MAGI3: variants seen among roughly 807,000 people sequenced by gnomAD.
MAGI3 encodes the protein membrane-associated guanylate kinase, WW and PDZ domain-containing protein 3.
In MAGI3, 43 loss-of-function variants were observed where a neutral mutation model predicts 121.8. The observed-to-expected ratio is 0.35, with a 90% CI of 0.28 to 0.46. MAGI3 has a LOEUF of 0.46. MAGI3 is among the 20% of genes least tolerant of loss of function. MAGI3 has a pLI of 1.00. For missense variants in MAGI3, 1,547 were observed against 1,797.3 expected (o/e 0.86, Z 2.52); for synonymous variants, 553 against 639.3 (o/e 0.86, Z 2.04).
At position 113,685,324 on chromosome 1, in the gene MAGI3, T is replaced by A. The variant is rs1349955805; in HGVS notation, c.*1310T>A. ...TTCCCTGAAGCAGCATTCAGTAGCA[T>A]CTATATAAATAAAGGCACCTTCTGA... On this transcript the variant is annotated 3_prime_UTR_variant, in exon 21 of 21. Transcript: ENST00000307546. 6.6e-6 allele frequency: 1 copy of A among 152,368 alleles called. No individual in the cohort carries two copies. The highest frequency in any genetic ancestry group is 2.4e-5 in the African/African-American group (1 of 41,452). 9.4% of individuals were successfully genotyped at this position (152,368 alleles called of 1,614,324 possible).
intron 9 of MAGI3, among the ~76,000 whole-genome samples, chr1:113,637,705 G>A (rs994166032): frequency 6.6e-6 from 1 of 151,856 alleles, no homozygotes; most frequent in Non-Finnish European, 1.5e-5. Context: ...ACAGTTATGT[G>A]TCTTGGAGTT....
chr1:113,435,065 C>T (rs1219110128), intron 1 of MAGI3, among the ~76,000 whole-genome samples: 1 of 152,098 alleles, frequency 6.6e-6, no homozygotes, highest in Non-Finnish European at 1.5e-5. Context: ...AGTTAATATA[C>T]TATTTTCCTT....
At chr1:113,485,641 T>G (rs555578136) in intron 1 of MAGI3, among the ~76,000 whole-genome samples, 2 of 152,350 alleles carry the variant, frequency 1.3e-5, no homozygotes, top group East Asian at 3.9e-4. Context: ...ATTATTTCTT[T>G]TGCTTCGCAG....
intron 1 of MAGI3, among the ~76,000 whole-genome samples, chr1:113,490,827 A>G (rs1196159742): frequency 6.6e-6 from 1 of 152,212 alleles, no homozygotes; most frequent in Non-Finnish European, 1.5e-5. Flanking sequence ...TTCAACAAGA[A>G]GTGCTATATC....
intron 9 of MAGI3, among the ~76,000 whole-genome samples, chr1:113,634,638 C>T (rs1476859045): frequency 2.0e-5 from 3 of 152,106 alleles, no homozygotes; most frequent in Non-Finnish European, 1.5e-5. Context: ...GTTACTGTAG[C>T]CTTGTAGTAG....
intron 1 of MAGI3, among the ~76,000 whole-genome samples, chr1:113,512,493 G>A (rs1657667099): frequency 6.6e-6 from 1 of 152,160 alleles, no homozygotes; most frequent in African/African-American, 2.4e-5. Context: ...TGTTGCATTT[G>A]TAAGGGAGAG....
rs1648289845 is a variant in MAGI3 at position 113,682,669 on chromosome 1, A to C, written c.3329-228A>C. The C allele has an allele frequency of 7.2e-6, 7 of 977,952 alleles. No homozygotes were observed. In the South Asian group the frequency reaches 3.3e-4, roughly 46 times the overall value. 60.6% of individuals were successfully genotyped at this position (977,952 alleles called of 1,614,324 possible). On this transcript the variant is annotated intron_variant, in intron 20 of 20. Transcript: ENST00000307546. ...TCACTAATTATATGTAATTGGAAAA[A>C]ATGAATATTATTTTGTGTATATAAA...
At chr1:113,560,945 C>T (rs187875524) in intron 2 of MAGI3, among the ~76,000 whole-genome samples, 3 of 151,928 alleles carry the variant, frequency 2.0e-5, no homozygotes, top group African/African-American at 4.8e-5. Flanking sequence ...CACCACTGAC[C>T]CCACAGAAAT....
At position 113,682,901 on chromosome 1, in the gene MAGI3, T is replaced by C. The variant is rs763333517; in HGVS notation, c.3333T>C (p.Asp1111=). 1.3e-6 allele frequency: 2 copies of C among 1,567,858 alleles called. No homozygotes were observed. The highest frequency in any genetic ancestry group is 1.7e-6 in the Non-Finnish European group (2 of 1,161,620). The change falls in exon 21 of 21, where the codon GAT becomes GAC. Residue 1111 remains aspartate (D), a synonymous_variant. Transcript: ENST00000307546. ...PGTGLIPDHG[D]WDINNPSSSN... is the part of the protein sequence containing the mutation. ...CCATTCAAATCACTTTTTTAGGTGA[T>C]TGGGATATTAATAATCCTTCGTCTT...
intron 18 of MAGI3, 135 bp from the exon 19 acceptor site, chr1:113,673,187 A>G (rs1322786109): frequency 1.3e-5 from 14 of 1,081,038 alleles, no homozygotes; most frequent in Non-Finnish European, 1.3e-6. Flanking sequence ...ACCAAAACCT[A>G]CATTCCTTCT....
intron 1 of MAGI3, among the ~76,000 whole-genome samples, chr1:113,424,321 A>G (rs763046700): frequency 6.6e-6 from 1 of 151,676 alleles, no homozygotes; most frequent in Non-Finnish European, 1.5e-5. Context: ...AGGTTTGTGT[A>G]TCTAGCACCA....
At chr1:113,545,069 GTTTGT>G (rs1007915778) in intron 1 of MAGI3, among the ~76,000 whole-genome samples, 7 of 144,430 alleles carry the variant, frequency 4.8e-5, no homozygotes, top group African/African-American at 9.8e-5. Context: ...TTTTTTGTTT[GTTTGT>G]TTTGTTTTGT....
rs922870674 is a variant in MAGI3, at chr1:113,390,923, C to T, written c.-111C>T. ...CGGGGTGGGGGCCGGAGCGGCGAGG[C>T]CCCCCTTACCGGGCTGCGCGGGCCG... is the stretch of plus-strand genomic sequence containing the variant. On this transcript the variant is annotated 5_prime_UTR_variant, in exon 1 of 21. Transcript: ENST00000307546. The T allele has an allele frequency of 1.5e-5, 12 of 800,002 alleles. No homozygotes were observed. The Admixed American group carries it at 5.1e-4, about 34-fold the overall frequency. 49.6% of individuals were successfully genotyped at this position (800,002 alleles called of 1,614,324 possible).
At chr1:113,517,786 A>G (rs971668585) in intron 1 of MAGI3, among the ~76,000 whole-genome samples, 1 of 151,902 alleles carries the variant, frequency 6.6e-6, no homozygotes, top group Non-Finnish European at 1.5e-5. Flanking sequence ...CAAATTCACT[A>G]GATTTGAGTC....
chr1:113,532,446 T>C (rs1658772441), intron 1 of MAGI3, among the ~76,000 whole-genome samples: 1 of 152,164 alleles, frequency 6.6e-6, no homozygotes, highest in East Asian at 1.9e-4. Flanking sequence ...GTAAAAATGG[T>C]AACAACATTT....
intron 1 of MAGI3, among the ~76,000 whole-genome samples, chr1:113,522,673 T>A (rs72687960): frequency 0.15 from 22,966 of 152,204 alleles, 2,758 homozygotes; most frequent in East Asian, 0.63. Flanking sequence ...CAACTTTTTT[T>A]AAAAATTCAA....
rs1648316891 is a variant in MAGI3, at chr1:113,683,105, T to G, written c.3537T>G (p.Pro1179=). ...AAAGCACTTTAAATGAAAATCAGCC[T>G]GAGATAAAGCATCAGTCTCTTCTCC... ...EKKSTLNENQ[P]EIKHQSLLQK... The change falls in exon 21 of 21, where the codon CCT becomes CCG. Residue 1179 remains proline (P), a synonymous_variant. Transcript: ENST00000307546. 6.2e-7 allele frequency: 1 copy of G among 1,613,260 alleles called. No individual in the cohort carries two copies. Among genetic ancestry groups the G allele is most frequent in the South Asian group, 1.1e-5 (1 of 90,942 alleles).
chr1:113,397,123 G>A lies in MAGI3; in HGVS notation c.316+5774G>A, dbSNP rs149257171. On this transcript the variant is annotated intron_variant, in intron 1 of 20. Coordinates refer to ENST00000307546, the MANE Select transcript of MAGI3 (RefSeq NM_001142782.2). ...GTCCAAATGCCACTTTTCCACCCAT[G>A]TTGGAACCAATTGCAGTTTTTTGGT... is the stretch of plus-strand genomic sequence containing the variant. Among the ~76,000 whole-genome samples, 389 of 152,258 alleles carry A rather than the reference G, an allele frequency of 2.6e-3. 7 individuals carry two copies. Among genetic ancestry groups the A allele is most frequent in the South Asian group, 0.018 (86 of 4,826 alleles).
chr1:113,504,356 C>T (rs1208477521), intron 1 of MAGI3, among the ~76,000 whole-genome samples: 1 of 152,006 alleles, frequency 6.6e-6, no homozygotes, highest in Non-Finnish European at 1.5e-5. Flanking sequence ...GGAAACAACT[C>T]TTATAATTTG....
Sources: allele counts gnomAD v4.1 joint callset (sites outside exome capture counted in the v4.1 genomes callset), GRCh38; gene constraint gnomAD v4.1.1; transcripts MANE v1.5; gene names NCBI Gene and HGNC (gene_info 2026-07-23, HGNC 2026-07-21).